The following VDAC1 variants were observed in gnomAD, a reference collection of about 807,000 sequenced individuals.
VDAC1 encodes non-selective voltage-gated ion channel VDAC1.
In VDAC1, 10 loss-of-function variants were observed where a neutral mutation model predicts 34.7. The ratio of observed to expected loss-of-function variants is 0.29; its 90% confidence interval spans 0.18 to 0.49. The LOEUF is 0.49. VDAC1 is among the 20% of genes least tolerant of loss of function. The pLI is 0.99. For missense variants in VDAC1, 230 were observed against 347.9 expected (o/e 0.66, Z 2.69); for synonymous variants, 130 against 136.0 (o/e 0.96, Z 0.30).
the VDAC1 span, among the ~76,000 whole-genome samples, chr5:134,055,588 GTTT>G: frequency 3.8e-3 from 225 of 59,546 alleles, no homozygotes; most frequent in African/African-American, 0.012. Context: ...CCCCGCTAAT[GTTT>G]TTTTTTTTTT....
the VDAC1 span, among the ~76,000 whole-genome samples, chr5:134,053,356 C>T: frequency 1.3e-5 from 2 of 152,216 alleles, no homozygotes; most frequent in African/African-American, 2.4e-5. Context: ...AAACAACCCC[C>T]TTCCAACCCG....
At chr5:133,996,564 C>G (rs1429030325) in intron 1 of VDAC1, among the ~76,000 whole-genome samples, 1 of 151,812 alleles carries the variant, frequency 6.6e-6, no homozygotes, top group African/African-American at 2.4e-5. Context: ...CCCACCCCAC[C>G]CTACCCCATA....
At chr5:134,062,576 C>T in the VDAC1 span, among the ~76,000 whole-genome samples, 1 of 151,506 alleles carries the variant, frequency 6.6e-6, no homozygotes, top group South Asian at 2.1e-4. Context: ...AATTAAGAAG[C>T]ATTCTTTCTT....
At chr5:134,032,534 C>T in the VDAC1 span, among the ~76,000 whole-genome samples, 1 of 152,132 alleles carries the variant, frequency 6.6e-6, no homozygotes, top group South Asian at 2.1e-4. Flanking sequence ...TTTATAATTG[C>T]TGAATACTGG....
chr5:134,110,628 G>A, the VDAC1 span, among the ~76,000 whole-genome samples: 60 of 152,374 alleles, frequency 3.9e-4, no homozygotes, highest in African/African-American at 1.1e-3. Context: ...TGCTCCTGCC[G>A]AGAGCCAGCA....
the VDAC1 span, among the ~76,000 whole-genome samples, chr5:134,074,194 C>T: frequency 4.6e-5 from 7 of 151,920 alleles, no homozygotes; most frequent in African/African-American, 9.7e-5. Flanking sequence ...CACCTGTAGT[C>T]CCAGCTACTC....
chr5:134,070,062 A>T, the VDAC1 span, among the ~76,000 whole-genome samples: 1 of 152,080 alleles, frequency 6.6e-6, no homozygotes, highest in Non-Finnish European at 1.5e-5. Flanking sequence ...TTAGCATGTG[A>T]TAAAAAAAAA....
chr5:134,006,091 G>T (rs1020234910), upstream of VDAC1, among the ~76,000 whole-genome samples: 1 of 152,180 alleles, frequency 6.6e-6, no homozygotes, highest in African/African-American at 2.4e-5. Flanking sequence ...ATACAGAGTG[G>T]GAGTGGGGTG....
chr5:134,111,709 G>C, the VDAC1 span, among the ~76,000 whole-genome samples: 1 of 152,026 alleles, frequency 6.6e-6, no homozygotes, highest in African/African-American at 2.4e-5. Flanking sequence ...CCATATTAGT[G>C]ACAGCTTATT....
chr5:134,013,893 GATC>G, the VDAC1 span, among the ~76,000 whole-genome samples: 2 of 151,988 alleles, frequency 1.3e-5, no homozygotes, highest in African/African-American at 4.8e-5. Flanking sequence ...AGTGAGCTGA[GATC>G]GTGCCACTGC....
intron 5 of VDAC1, among the ~76,000 whole-genome samples, chr5:133,988,440 G>T (rs1752981757): frequency 6.6e-6 from 1 of 152,152 alleles, no homozygotes; most frequent in Admixed American, 6.5e-5. Context: ...TACAAAATTA[G>T]CTGGGTGTGG....
At position 134,004,072 on chromosome 5, in the gene VDAC1, C is replaced by T. The variant is rs190242438; in HGVS notation, c.-7+823G>A. On this transcript the variant is annotated intron_variant, in intron 1 of 8. Transcript: ENST00000265333. ...AAGTCGACTCTCGGCCGGCGCGTTCCGCTCTAGAAGGCTCTGGCACAGGCG... is the reference window on the plus strand; with the variant it reads ...AAGTCGACTCTCGGCCGGCGCGTTCTGCTCTAGAAGGCTCTGGCACAGGCG... 3.1e-3 allele frequency among the ~76,000 whole-genome samples: 466 copies of T among 152,350 alleles called. 4 individuals are homozygous for T. Among genetic ancestry groups the T allele is most frequent in the African/African-American group, 0.011 (450 of 41,582 alleles).
chr5:133,972,487 T>G lies in VDAC1; in HGVS notation c.*284A>C. On this transcript the variant is annotated 3_prime_UTR_variant, in exon 9 of 9. Coordinates refer to ENST00000265333, the MANE Select transcript of VDAC1 (RefSeq NM_003374.3). ...GAATTTACAAAGTGCCTACATATTA[T>G]CCGCTTCCACTTGCAGCCATTTCTA... 2 of 469,530 alleles carry G rather than the reference T, an allele frequency of 4.3e-6. No individual in the cohort carries two copies. The highest frequency in any genetic ancestry group is 7.4e-6 in the Non-Finnish European group (2 of 268,802). 29.1% of individuals were successfully genotyped at this position (469,530 alleles called of 1,614,324 possible).
At position 133,986,484 on chromosome 5, in the gene VDAC1, C is replaced by G. The variant is rs564397488; in HGVS notation, c.323+4371G>C. ...CCATCTCGGCTCGCTGCAACCTCCA[C>G]CTCCTGGGTTCAAGCAATTCTCCTG... is the stretch of plus-strand genomic sequence containing the variant. On this transcript the variant is annotated intron_variant, in intron 5 of 8. Coordinates refer to ENST00000265333, the MANE Select transcript of VDAC1 (RefSeq NM_003374.3). Among the ~76,000 whole-genome samples, 4 of 152,168 alleles carry G rather than the reference C, an allele frequency of 2.6e-5. 1 individual carries two copies. In the South Asian group the frequency reaches 8.3e-4, roughly 32 times the overall value.
At chr5:134,023,052 T>C in the VDAC1 span, among the ~76,000 whole-genome samples, 45 of 152,104 alleles carry the variant, frequency 3.0e-4, no homozygotes, top group Admixed American at 2.9e-3. Flanking sequence ...CTATTTACAA[T>C]AGCAAAGACT....
At position 133,972,097 on chromosome 5, in the gene VDAC1, T is replaced by A. The variant is rs1413971425; in HGVS notation, c.*674A>T. 1 of 152,802 alleles carries A rather than the reference T, an allele frequency of 6.5e-6. No individual in the cohort carries two copies. Among genetic ancestry groups the A allele is most frequent in the African/African-American group, 2.4e-5 (1 of 41,436 alleles). 9.5% of individuals were successfully genotyped at this position (152,802 alleles called of 1,614,324 possible). A position where few individuals can be genotyped will look rare whatever the true frequency, so the allele number is the denominator to read the frequency against. ...GATTCTGAGTGTTGTCACCATGTGA[T>A]TACAATCACACAGACACTTCCAAGC... is the stretch of plus-strand genomic sequence containing the variant. On this transcript the variant is annotated 3_prime_UTR_variant, in exon 9 of 9. Coordinates refer to ENST00000265333, the MANE Select transcript of VDAC1 (RefSeq NM_003374.3).
At chr5:134,032,591 G>A in the VDAC1 span, among the ~76,000 whole-genome samples, 1 of 152,086 alleles carries the variant, frequency 6.6e-6, no homozygotes, top group Non-Finnish European at 1.5e-5. Context: ...AATGAGCCAC[G>A]GTATGACCCC....
chr5:134,067,618 AAG>A, the VDAC1 span, among the ~76,000 whole-genome samples: 5 of 48,482 alleles, frequency 1.0e-4, no homozygotes, highest in Non-Finnish European at 1.9e-4. Context: ...TTTTTAAAAA[AAG>A]AAGAAGGAGG....
the VDAC1 span, among the ~76,000 whole-genome samples, chr5:134,012,262 A>T: frequency 5.9e-5 from 9 of 152,138 alleles, no homozygotes; most frequent in African/African-American, 2.2e-4. Context: ...CTGATTTCAG[A>T]CTCCTGACCT....
Sources: allele counts gnomAD v4.1 joint callset (sites outside exome capture counted in the v4.1 genomes callset), GRCh38; gene constraint gnomAD v4.1.1; transcripts MANE v1.5; gene names NCBI Gene and HGNC (gene_info 2026-07-23, HGNC 2026-07-21).